Variants in UNC13C observed in about 807,000 individuals in gnomAD.
UNC13C encodes the protein protein unc-13 homolog C.
In UNC13C, 174 loss-of-function variants were observed where a neutral mutation model predicts 245.4. The observed-to-expected ratio is 0.71, with a 90% CI of 0.63 to 0.80. The LOEUF (loss-of-function observed/expected upper bound fraction) is 0.80, where lower values mean the gene tolerates loss of function less well. UNC13C is among the 30% of genes least tolerant of loss of function. The pLI, the probability that UNC13C is intolerant of heterozygous loss-of-function variation, is 0.00. For synonymous variants in UNC13C, 992 were observed against 895.1 expected (o/e 1.11, Z -1.93); for missense variants, 2,829 against 2,602.9 (o/e 1.09, Z -1.89).
chr15:54,474,402 G>A (rs1011016365), intron 19 of UNC13C, among the ~76,000 whole-genome samples: 3 of 151,768 alleles, frequency 2.0e-5, no homozygotes, highest in South Asian at 2.1e-4. Flanking sequence ...TTGTGGTTTT[G>A]ATTTGCATTG....
At chr15:54,220,161 G>A (rs1235237195) in intron 4 of UNC13C, among the ~76,000 whole-genome samples, 1 of 151,370 alleles carries the variant, frequency 6.6e-6, no homozygotes, top group East Asian at 1.9e-4. Flanking sequence ...GTTTACTGCG[G>A]CACTATTCAC....
chr15:54,216,142 C>T (rs2140765223), intron 4 of UNC13C, among the ~76,000 whole-genome samples: 1 of 151,982 alleles, frequency 6.6e-6, no homozygotes, highest in South Asian at 2.1e-4. Flanking sequence ...CTCTTGGATA[C>T]TAGAGGCAAA....
chr15:54,316,575 A>G (rs1459539222), intron 13 of UNC13C, among the ~76,000 whole-genome samples: 1 of 151,924 alleles, frequency 6.6e-6, no homozygotes, highest in Non-Finnish European at 1.5e-5. Flanking sequence ...AAAATTTATT[A>G]CATGACCGAT....
the UNC13C span, among the ~76,000 whole-genome samples, chr15:53,865,333 C>T: frequency 6.6e-6 from 1 of 152,132 alleles, no homozygotes; most frequent in South Asian, 2.1e-4. Context: ...CTTAGTTTCT[C>T]ACGGTTTTGG....
chr15:54,505,285 G>A (rs931771257), intron 22 of UNC13C, among the ~76,000 whole-genome samples: 13 of 152,062 alleles, frequency 8.5e-5, no homozygotes, highest in Admixed American at 1.3e-4. Context: ...CAGGTGCCCC[G>A]TCCATCACAG....
chr15:54,363,810 G>A (rs2039293410), intron 17 of UNC13C, among the ~76,000 whole-genome samples: 1 of 151,956 alleles, frequency 6.6e-6, no homozygotes, highest in Admixed American at 6.6e-5. Flanking sequence ...GATGTATGTT[G>A]AATAAAAATA....
chr15:54,473,875 C>A (rs1157383190), intron 19 of UNC13C, among the ~76,000 whole-genome samples: 1 of 148,006 alleles, frequency 6.8e-6, no homozygotes, highest in Admixed American at 6.8e-5. Flanking sequence ...CATCATCTTT[C>A]CCCCTCCTAC....
chr15:54,411,694 T>C (rs1441402840), intron 18 of UNC13C, among the ~76,000 whole-genome samples: 1 of 152,186 alleles, frequency 6.6e-6, no homozygotes, highest in Admixed American at 6.5e-5. Context: ...ACATTCTGTA[T>C]AAATTATTAT....
intron 24 of UNC13C, chr15:54,512,489 A>G (rs1304349754): frequency 2.5e-6 from 1 of 407,394 alleles, no homozygotes; most frequent in Non-Finnish European, 4.9e-6. Flanking sequence ...TTTGGAACAG[A>G]CAGACAGTGA....
At chr15:53,971,181 C>T in the UNC13C span, among the ~76,000 whole-genome samples, 5 of 152,100 alleles carry the variant, frequency 3.3e-5, no homozygotes, top group Non-Finnish European at 7.4e-5. Context: ...TTCAAGTTGG[C>T]AAACCACACA....
At chr15:54,046,677 A>T (rs956301057) in intron 2 of UNC13C, among the ~76,000 whole-genome samples, 8 of 151,828 alleles carry the variant, frequency 5.3e-5, no homozygotes, top group African/African-American at 1.9e-4. Context: ...GTGGTAAAAT[A>T]TATATAACAA....
At chr15:54,140,937 T>C (rs1046065368) in intron 2 of UNC13C, among the ~76,000 whole-genome samples, 2 of 152,180 alleles carry the variant, frequency 1.3e-5, no homozygotes, top group East Asian at 1.9e-4. Flanking sequence ...TGGCCATAAA[T>C]ATGTGTTCAG....
At chr15:54,258,071 A>G (rs911918172) in intron 8 of UNC13C, among the ~76,000 whole-genome samples, 1 of 152,174 alleles carries the variant, frequency 6.6e-6, no homozygotes, top group Non-Finnish European at 1.5e-5. Flanking sequence ...AAATCCCTCA[A>G]TATCAGACCC....
chr15:54,583,534 T>G (rs1161666031), intron 30 of UNC13C, among the ~76,000 whole-genome samples: 1 of 152,256 alleles, frequency 6.6e-6, no homozygotes. Context: ...CCTAGAAATT[T>G]GATTCCTGCT....
chr15:53,965,778 C>T, the UNC13C span, among the ~76,000 whole-genome samples: 1 of 151,918 alleles, frequency 6.6e-6, no homozygotes, highest in Non-Finnish European at 1.5e-5. Context: ...CATGTGTTCT[C>T]ATTGTTCAAT....
At chr15:54,020,264 T>A (rs1332530047) in intron 2 of UNC13C, among the ~76,000 whole-genome samples, 2 of 149,698 alleles carry the variant, frequency 1.3e-5, no homozygotes, top group African/African-American at 5.0e-5. Flanking sequence ...TATTAATAAT[T>A]TTTTTCTTTT....
At chr15:54,264,463 CTAA>C (rs1471672990) in intron 9 of UNC13C, 68 bp downstream of exon 9, 2 of 1,157,250 alleles carry the variant, frequency 1.7e-6, no homozygotes, top group Non-Finnish European at 2.5e-6. Context: ...GAAATAACTG[CTAA>C]TAATAATTAT....
chr15:54,357,484 T>C (rs946274175), intron 17 of UNC13C, among the ~76,000 whole-genome samples: 1 of 152,112 alleles, frequency 6.6e-6, no homozygotes, highest in Non-Finnish European at 1.5e-5. Flanking sequence ...AAAATAATTT[T>C]TTATTCTAAT....
the UNC13C span, among the ~76,000 whole-genome samples, chr15:53,932,763 G>C: frequency 6.6e-6 from 1 of 151,972 alleles, no homozygotes; most frequent in Admixed American, 6.6e-5. Context: ...ATTTGTATGA[G>C]CTTTTGATTC....
Sources: gnomAD v4.1 joint callset for allele counts (sites outside exome capture counted in the v4.1 genomes callset) on GRCh38, gnomAD v4.1.1 for gene constraint, MANE v1.5 for transcripts, NCBI Gene and HGNC (gene_info 2026-07-23, HGNC 2026-07-21) for gene names.